Variants in DLG2 observed in about 807,000 individuals in gnomAD.
DLG2 encodes the protein discs large MAGUK scaffold protein 2, also known as disks large homolog 2.
A neutral mutation model predicts 132.5 loss-of-function variants in DLG2; 45 were observed. The observed-to-expected ratio is 0.34, with a 90% CI of 0.27 to 0.44. The LOEUF (loss-of-function observed/expected upper bound fraction) is 0.44. DLG2 is among the 20% of genes least tolerant of loss of function. The probability of loss-of-function intolerance (pLI) is 1.00; values close to 1 mark genes in which losing one functional copy is unlikely to be tolerated. For synonymous variants in DLG2, 424 were observed against 419.6 expected (o/e 1.01, Z -0.13); for missense variants, 1,045 against 1,196.9 (o/e 0.87, Z 1.87).
intron 4 of DLG2, among the ~76,000 whole-genome samples, chr11:85,204,057 A>G (rs137889284): frequency 1.4e-3 from 220 of 152,280 alleles, no homozygotes; most frequent in Non-Finnish European, 2.3e-3. Context: ...AAGTCCGTAT[A>G]TGACAAACCG....
chr11:83,683,925 T>C (rs544635359), intron 18 of DLG2, among the ~76,000 whole-genome samples: 1 of 152,256 alleles, frequency 6.6e-6, no homozygotes, highest in South Asian at 2.1e-4. Context: ...CTGGCCCAGC[T>C]CACTAGCTTC....
At chr11:85,071,401 G>T (rs2065845089) in intron 6 of DLG2, among the ~76,000 whole-genome samples, 1 of 151,796 alleles carries the variant, frequency 6.6e-6, no homozygotes, top group Non-Finnish European at 1.5e-5. Context: ...ATTATTAATA[G>T]TAAGAAAGGC....
At chr11:83,808,946 C>T (rs1187431186) in intron 17 of DLG2, among the ~76,000 whole-genome samples, 1 of 152,094 alleles carries the variant, frequency 6.6e-6, no homozygotes, top group Non-Finnish European at 1.5e-5. Flanking sequence ...TTCTTCCTTC[C>T]TTACCTTTCC....
chr11:84,502,326 CT>C (rs2099217756), intron 7 of DLG2, among the ~76,000 whole-genome samples: 3 of 16,176 alleles, frequency 1.9e-4, no homozygotes, highest in Non-Finnish European at 3.3e-4. Context: ...TTCTTTCTTT[CT>C]TTCTTTCTTT....
At chr11:85,042,143 C>A (rs2061926188) in intron 6 of DLG2, among the ~76,000 whole-genome samples, 1 of 151,916 alleles carries the variant, frequency 6.6e-6, no homozygotes, top group South Asian at 2.1e-4. Context: ...AGCTTTGAGA[C>A]AACCAAGAGG....
chr11:85,498,993 G>C (rs1044517080), intron 3 of DLG2, among the ~76,000 whole-genome samples: 2 of 152,150 alleles, frequency 1.3e-5, no homozygotes, highest in African/African-American at 4.8e-5. Flanking sequence ...AAGCTGAAGA[G>C]ATCTAAAATC....
chr11:83,584,788 C>G (rs2097053114), intron 19 of DLG2, among the ~76,000 whole-genome samples: 1 of 152,154 alleles, frequency 6.6e-6, no homozygotes, highest in South Asian at 2.1e-4. Context: ...AGAATGGAGG[C>G]ATAAAGCAGA....
intron 10 of DLG2, among the ~76,000 whole-genome samples, chr11:84,083,675 C>G (rs1041963424): frequency 1.3e-5 from 2 of 152,168 alleles, no homozygotes; most frequent in African/African-American, 4.8e-5. Flanking sequence ...TGCTTCTGCC[C>G]TGCCCTTTCA....
At chr11:85,227,890 A>C (rs2075068543) in intron 4 of DLG2, among the ~76,000 whole-genome samples, 1 of 152,010 alleles carries the variant, frequency 6.6e-6, no homozygotes, top group Admixed American at 6.6e-5. Context: ...ATCTGTATTC[A>C]GCAGGTACAC....
chr11:85,463,989 T>TAC (rs374003945), intron 3 of DLG2, among the ~76,000 whole-genome samples: 134 of 139,406 alleles, frequency 9.6e-4, no homozygotes, highest in African/African-American at 3.0e-3. Context: ...GACATACATG[T>TAC]ACACACACAC....
chr11:84,402,607 C>T (rs981686409), intron 7 of DLG2, among the ~76,000 whole-genome samples: 4 of 151,838 alleles, frequency 2.6e-5, no homozygotes, highest in East Asian at 1.9e-4. Flanking sequence ...CGGCCAGGTG[C>T]GGGGCTCACG....
chr11:84,654,709 T>C (rs1009204598), intron 6 of DLG2, among the ~76,000 whole-genome samples: 2 of 152,242 alleles, frequency 1.3e-5, no homozygotes, highest in Admixed American at 6.5e-5. Context: ...CTTTTGAACA[T>C]GGCACAAATG....
At chr11:84,636,431 A>G (rs1288699691) in intron 6 of DLG2, among the ~76,000 whole-genome samples, 1 of 152,232 alleles carries the variant, frequency 6.6e-6, no homozygotes, top group Non-Finnish European at 1.5e-5. Flanking sequence ...CAAGTTATTC[A>G]ACTACTAGTG....
chr11:84,146,536 G>T (rs542534294), intron 9 of DLG2, among the ~76,000 whole-genome samples: 5 of 152,090 alleles, frequency 3.3e-5, no homozygotes, highest in African/African-American at 9.6e-5. Context: ...TTTAGAAAAA[G>T]AAATTAGAAA....
At position 85,163,224 on chromosome 11, in the gene DLG2, GAC is replaced by G. The variant is rs112583126; in HGVS notation, c.187-8575_187-8574del. 7.3e-3 allele frequency among the ~76,000 whole-genome samples: 989 copies of G among 135,046 alleles called. 3 individuals carry two copies. Among genetic ancestry groups the G allele is most frequent in the Non-Finnish European group, 0.011 (685 of 63,284 alleles). 88.6% of individuals were successfully genotyped at this position (135,046 alleles called of 152,430 possible). On this transcript the variant is annotated intron_variant, in intron 4 of 27. Coordinates refer to ENST00000376104, the MANE Select transcript of DLG2 (RefSeq NM_001142699.3). ...TATATATTACACACACACACACACA[GAC>G]ACACACACACACACACACTATTAGT...
intron 14 of DLG2, among the ~76,000 whole-genome samples, chr11:83,941,090 A>C (rs1019240208): frequency 1.3e-5 from 2 of 152,192 alleles, no homozygotes; most frequent in Non-Finnish European, 2.9e-5. Flanking sequence ...AAAATATAGG[A>C]TGCCCCAGTT....
At chr11:83,652,772 G>A (rs1026982315) in intron 18 of DLG2, among the ~76,000 whole-genome samples, 2 of 152,122 alleles carry the variant, frequency 1.3e-5, no homozygotes, top group Admixed American at 6.6e-5. Flanking sequence ...TGTCATATAA[G>A]TGTGGTTGTC....
At chr11:84,567,865 A>G (rs1181772441) in intron 6 of DLG2, among the ~76,000 whole-genome samples, 1 of 152,204 alleles carries the variant, frequency 6.6e-6, no homozygotes, top group Non-Finnish European at 1.5e-5. Flanking sequence ...GTGTGGCTCT[A>G]CACAACTGAA....
chr11:85,404,290 T>G (rs1431592197), intron 3 of DLG2, among the ~76,000 whole-genome samples: 1 of 151,862 alleles, frequency 6.6e-6, no homozygotes, highest in Non-Finnish European at 1.5e-5. Context: ...AGAGGTGAAT[T>G]CAGAAGAGGA....
Sources: allele counts gnomAD v4.1 joint callset (sites outside exome capture counted in the v4.1 genomes callset), GRCh38; gene constraint gnomAD v4.1.1; transcripts MANE v1.5; gene names NCBI Gene and HGNC (gene_info 2026-07-23, HGNC 2026-07-21).